MTA1: variants seen among roughly 807,000 people sequenced by gnomAD.
The protein encoded by MTA1 is metastasis associated 1.
MTA1 carries 15 observed loss-of-function variants against 97.0 expected under a neutral mutation model. That is an observed-to-expected ratio of 0.15 (90% CI 0.10 to 0.24). The LOEUF is 0.24. Among genes scored for constraint, MTA1 ranks in the 10% least tolerant of loss-of-function variants. The probability of loss-of-function intolerance (pLI) is 1.00; values close to 1 mark genes in which losing one functional copy is unlikely to be tolerated. For synonymous variants in MTA1, 435 were observed against 417.5 expected (o/e 1.04, Z -0.51); for missense variants, 709 against 1,015.1 (o/e 0.70, Z 4.10).
chr14:105,456,436 G>A lies in MTA1; in HGVS notation c.551-1834G>A, dbSNP rs587699446. Among the ~76,000 whole-genome samples the A allele has an allele frequency of 2.6e-5, 4 of 152,258 alleles. No homozygotes were observed. The East Asian group carries it at 5.8e-4, about 22-fold the overall frequency. On this transcript the variant is annotated intron_variant, in intron 7 of 20. Transcript: ENST00000331320. Reference sequence around the variant, plus strand: ...GATGGGACTAAGGGTCCACAAGGCCGAGCCAGCCGCAGGAGCCGGCCTCCT... The same window carrying A: ...GATGGGACTAAGGGTCCACAAGGCCAAGCCAGCCGCAGGAGCCGGCCTCCT...
chr14:105,425,831 C>T (rs2081993083), intron 1 of MTA1, among the ~76,000 whole-genome samples: 2 of 151,924 alleles, frequency 1.3e-5, no homozygotes, highest in South Asian at 4.1e-4. Flanking sequence ...ACCCCACCCG[C>T]CCCACCAATG....
At chr14:105,468,441 G>T (rs1335545064) in intron 18 of MTA1, 101 of 1,191,990 alleles carry the variant, frequency 8.5e-5, no homozygotes, top group Non-Finnish European at 1.0e-4. Flanking sequence ...GCTTGGGAGC[G>T]CCGCAGATCA....
chr14:105,438,040 C>T (rs1350531183), intron 1 of MTA1, among the ~76,000 whole-genome samples: 1 of 152,278 alleles, frequency 6.6e-6, no homozygotes, highest in Non-Finnish European at 1.5e-5. Flanking sequence ...TGCCTGCTGC[C>T]TGTTGCTGTC....
At position 105,463,683 on chromosome 14, in the gene MTA1, A is replaced by C. The variant is rs1595410263; in HGVS notation, c.1076+132A>C. The C allele has an allele frequency of 2.4e-6, 2 of 824,614 alleles. No individual in the cohort carries two copies. The highest frequency in any genetic ancestry group is 2.4e-5 in the Admixed American group (1 of 41,624). The allele number at this position is 824,614 out of a possible 1,614,324, so 51.1% of individuals were successfully genotyped here. On this transcript the variant is annotated intron_variant, in intron 12 of 20. Transcript: ENST00000331320. The surrounding 1 kb of genome is among the most constrained non-coding windows in gnomAD (Gnocchi z 5.9). ...TGGGAAAGTTGGGGCAGCCCCCGGG[A>C]GGGCGGCCCAGGGCTGGGGGGTTCT...
intron 1 of MTA1, among the ~76,000 whole-genome samples, chr14:105,437,978 C>T (rs1182899007): frequency 2.0e-5 from 3 of 152,228 alleles, no homozygotes; most frequent in South Asian, 2.1e-4. Flanking sequence ...ATGGTTTCAT[C>T]GCTGAGGGAA....
chr14:105,421,904 C>G (rs1309732682), intron 1 of MTA1, among the ~76,000 whole-genome samples: 1 of 152,246 alleles, frequency 6.6e-6, no homozygotes, highest in Non-Finnish European at 1.5e-5. Flanking sequence ...GACCCACGCA[C>G]TCCAGTGCTG....
chr14:105,451,996 T>C (rs1036784931), intron 6 of MTA1, among the ~76,000 whole-genome samples: 24 of 152,152 alleles, frequency 1.6e-4, no homozygotes, highest in Non-Finnish European at 2.8e-4. Context: ...TTCACCATGT[T>C]AGCCGGGCTG....
Position 105,420,025 on chromosome 14 carries a change from C to G in MTA1, c.-11C>G, listed in dbSNP as rs1481409879. 2 of 1,071,534 alleles carry G rather than the reference C, an allele frequency of 1.9e-6. No individual in the cohort carries two copies. Among genetic ancestry groups the G allele is most frequent in the African/African-American group, 3.4e-5 (2 of 58,214 alleles). The allele number at this position is 1,071,534 out of a possible 1,614,324, so 66.4% of individuals were successfully genotyped here. On this transcript the variant is annotated 5_prime_UTR_variant, in exon 1 of 21. Transcript: ENST00000331320. The surrounding 1 kb of genome is among the most constrained non-coding windows in gnomAD (Gnocchi z 5.3). ...CCCGCCCCGGGCCCCTCCGCCGCCGCCGGCCCGGACATGGCCGCCAACATG... is the reference window on the plus strand; with the variant it reads ...CCCGCCCCGGGCCCCTCCGCCGCCGGCGGCCCGGACATGGCCGCCAACATG...
Position 105,464,879 on chromosome 14 carries a change from G to A in MTA1, c.1534+16G>A, listed in dbSNP as rs1359739812. 7.1e-6 allele frequency: 11 copies of A among 1,551,082 alleles called. No homozygotes were observed. Among genetic ancestry groups the A allele is most frequent in the Non-Finnish European group, 7.0e-6 (8 of 1,146,074 alleles). ...AAGGCCGAGTGTGAGTCACCCCAAC[G>A]CCCCGCTTACTCTGTTCCTGCGGGT... On this transcript the variant is annotated intron_variant, in intron 15 of 20. Coordinates refer to ENST00000331320, the MANE Select transcript of MTA1 (RefSeq NM_004689.4).
intron 2 of MTA1, among the ~76,000 whole-genome samples, chr14:105,442,483 G>A (rs781909369): frequency 3.3e-5 from 5 of 152,226 alleles, no homozygotes; most frequent in Non-Finnish European, 2.9e-5. Flanking sequence ...CTCTGCTGCC[G>A]AGCACTTTAG....
At chr14:105,425,530 G>T (rs1366864098) in intron 1 of MTA1, among the ~76,000 whole-genome samples, 2 of 152,146 alleles carry the variant, frequency 1.3e-5, no homozygotes, top group African/African-American at 4.8e-5. Context: ...CTTGCCTTGG[G>T]CTCCCAAAGT....
chr14:105,466,548 C>T lies in MTA1; in HGVS notation c.1747C>T (p.Arg583Cys), dbSNP rs2083594321. 3.2e-6 allele frequency: 5 copies of T among 1,584,400 alleles called. No individual in the cohort carries two copies. Among genetic ancestry groups the T allele is most frequent in the Admixed American group, 1.8e-5 (1 of 56,270 alleles). Residue 583 changes from arginine to cysteine, a missense_variant, in exon 17 of 21, where the codon CGC (arginine) becomes TGC (cysteine). Coordinates refer to ENST00000331320, the MANE Select transcript of MTA1 (RefSeq NM_004689.4). ...CGGCTCCCCCACCATCCTGGGCAAG[C>T]GCAGCTACGAGCAGCACAACGGGGT... ...NNGSPTILGK[R>C]SYEQHNGVDG...
At chr14:105,442,054 A>C (rs782760961) in intron 2 of MTA1, among the ~76,000 whole-genome samples, 1 of 152,252 alleles carries the variant, frequency 6.6e-6, no homozygotes, top group African/African-American at 2.4e-5. Context: ...GAAAAAAATC[A>C]GACATCAGTC....
chr14:105,469,187 T>C lies in MTA1; in HGVS notation c.1814-280T>C, dbSNP rs587673488. On this transcript the variant is annotated intron_variant, in intron 18 of 20. Coordinates refer to ENST00000331320, the MANE Select transcript of MTA1 (RefSeq NM_004689.4). ...CAAGTGGGTGGACAGCCCCGGCCCCTGTGCAGGGAGGTGACTGTCGGGTCC... is the reference window on the plus strand; with the variant it reads ...CAAGTGGGTGGACAGCCCCGGCCCCCGTGCAGGGAGGTGACTGTCGGGTCC... 1.7e-3 allele frequency: 1,054 copies of C among 623,864 alleles called. 5 individuals carry two copies. Among genetic ancestry groups the C allele is most frequent in the South Asian group, 4.4e-3 (281 of 63,260 alleles). The allele number at this position is 623,864 out of a possible 1,614,324, so 38.6% of individuals were successfully genotyped here. A position where few individuals can be genotyped will look rare whatever the true frequency, so the allele number is the denominator to read the frequency against.
At chr14:105,438,155 G>GTCACTGTGTAT (rs1240473095) in intron 1 of MTA1, among the ~76,000 whole-genome samples, 3 of 152,216 alleles carry the variant, frequency 2.0e-5, no homozygotes, top group Admixed American at 2.0e-4. Context: ...TCTCTGTGTA[G>GTCACTGTGTAT]TCACTGCTGT....
Position 105,466,822 on chromosome 14 carries a change from C to T in MTA1, c.1813+80C>T, listed in dbSNP as rs587663165. On this transcript the variant is annotated intron_variant, in intron 18 of 20. Transcript: ENST00000331320. ...GCTGTGCTGCTCTGTGTCCCCGCGGCGGGCGGCCCAGGGCCCATGCTTGGG... is the reference window on the plus strand; with the variant it reads ...GCTGTGCTGCTCTGTGTCCCCGCGGTGGGCGGCCCAGGGCCCATGCTTGGG... The T allele has an allele frequency of 3.0e-3, 4,337 of 1,468,574 alleles. 10 individuals are homozygous for T. Among genetic ancestry groups the T allele is most frequent in the South Asian group, 4.6e-3 (362 of 79,346 alleles). The allele number at this position is 1,468,574 out of a possible 1,614,324, so 91.0% of individuals were successfully genotyped here. A position where few individuals can be genotyped will look rare whatever the true frequency, so the allele number is the denominator to read the frequency against.
rs2083469557 is a variant in MTA1 at position 105,464,147 on chromosome 14, A to G, written c.1192A>G (p.Thr398Ala). 8 of 1,608,964 alleles carry G rather than the reference A, an allele frequency of 5.0e-6. No homozygotes were observed. Among genetic ancestry groups the G allele is most frequent in the Non-Finnish European group, 6.8e-6 (8 of 1,178,670 alleles). The change falls in exon 13 of 21, where the codon ACC becomes GCC. Residue 398 changes from threonine to alanine, a missense_variant and splice_region_variant. By Grantham distance (58) the Thr-to-Ala change is moderately conservative. Around this residue, in one of 2 missense-constraint regions of MTA1, gnomAD observed 321 missense variants for 593.5 expected, o/e 0.54. Transcript: ENST00000331320. ...TGGCCGGGCCTGCGAGAGCTGTTAC[A>G]GTAAGTGCCCTGGATGGCCGGGGGC... ...GAGRACESCYTTQSYQWYSWG... is the reference protein window; with the variant it reads ...GAGRACESCYATQSYQWYSWG...
At chr14:105,433,196 A>G (rs975093000) in intron 1 of MTA1, among the ~76,000 whole-genome samples, 8 of 152,164 alleles carry the variant, frequency 5.3e-5, no homozygotes, top group Admixed American at 1.3e-4. Context: ...CTCCCAGCAG[A>G]GACGTGGGCG....
chr14:105,429,429 G>T (rs1433472150), intron 1 of MTA1, among the ~76,000 whole-genome samples: 1 of 150,276 alleles, frequency 6.7e-6, no homozygotes, highest in African/African-American at 2.5e-5. Flanking sequence ...GGGACTACAG[G>T]CACCCACCAC....
Sources: allele counts gnomAD v4.1 joint callset (sites outside exome capture counted in the v4.1 genomes callset), GRCh38; gene constraint gnomAD v4.1.1; regional missense constraint gnomAD v4.1.1; non-coding constraint Gnocchi (gnomAD v3.1); transcripts MANE v1.5; gene names NCBI Gene and HGNC (gene_info 2026-07-23, HGNC 2026-07-21).